AUTS2: variants seen among roughly 807,000 people sequenced by gnomAD.
AUTS2 encodes activator of transcription and developmental regulator AUTS2.
In AUTS2, 17 loss-of-function variants were observed where a neutral mutation model predicts 112.4. That is an observed-to-expected ratio of 0.15 (90% CI 0.10 to 0.23). The LOEUF is 0.23. Ranked by LOEUF, AUTS2 falls within the 10% of genes least tolerant of loss-of-function variation. The probability of loss-of-function intolerance (pLI) is 1.00; values close to 1 mark genes in which losing one functional copy is unlikely to be tolerated. For missense variants in AUTS2, 1,510 were observed against 1,701.6 expected (o/e 0.89, Z 1.98); for synonymous variants, 751 against 702.7 (o/e 1.07, Z -1.09).
intron 5 of AUTS2, among the ~76,000 whole-genome samples, chr7:70,653,608 G>C (rs1806623401): frequency 6.6e-6 from 1 of 152,168 alleles, no homozygotes; most frequent in African/African-American, 2.4e-5. Context: ...AAAAGCCAAG[G>C]TTGTACCTTT....
chr7:69,847,291 G>A (rs1007694886), intron 1 of AUTS2, among the ~76,000 whole-genome samples: 3 of 152,204 alleles, frequency 2.0e-5, no homozygotes, highest in African/African-American at 2.4e-5. Flanking sequence ...CTGAGCGTGT[G>A]GATAGAGAGA....
rs111273726 is a variant in AUTS2, at chr7:70,276,570, G to A, written c.660+141999G>A. On this transcript the variant is annotated intron_variant, in intron 4 of 18. Transcript: ENST00000342771. ...ATTTTTGTATTTTTAGTAGAGATAG[G>A]GTTTTGCCATGTTGGCCAGGCTGGT... Among the ~76,000 whole-genome samples the A allele has an allele frequency of 7.6e-4, 115 of 152,004 alleles. 3 individuals are homozygous for A. Among genetic ancestry groups the A allele is most frequent in the African/African-American group, 2.7e-3 (110 of 41,452 alleles).
At chr7:69,677,498 G>T (rs747632748) in intron 1 of AUTS2, among the ~76,000 whole-genome samples, 1 of 152,164 alleles carries the variant, frequency 6.6e-6, no homozygotes, top group African/African-American at 2.4e-5. Flanking sequence ...TGAGAAAGTT[G>T]TTGAAGAGTG....
intron 13 of AUTS2, chr7:70,776,870 A>G: frequency 1.8e-6 from 1 of 562,896 alleles, no homozygotes; most frequent in Non-Finnish European, 3.2e-6. Context: ...GGCCCTTGTC[A>G]ATGTGGTTTT....
chr7:69,614,368 T>TTTCTTTTCTTTCTTTTCTTTCTTTCTTTC, intron 1 of AUTS2, among the ~76,000 whole-genome samples: 89 of 19,412 alleles, frequency 4.6e-3, no homozygotes, highest in African/African-American at 6.7e-3. Flanking sequence ...TTCTTTCTTT[T>TTTCTTTTCTTTCTTTTCTTTCTTTCTTTC]TTTAAGAGAT....
intron 5 of AUTS2, among the ~76,000 whole-genome samples, chr7:70,562,333 T>G (rs954863606): frequency 2.6e-5 from 4 of 152,194 alleles, no homozygotes; most frequent in Non-Finnish European, 5.9e-5. Context: ...TGAACAAAGT[T>G]GATGTTTTCT....
At chr7:70,191,941 C>A (rs1363151047) in intron 4 of AUTS2, among the ~76,000 whole-genome samples, 1 of 151,146 alleles carries the variant, frequency 6.6e-6, no homozygotes, top group Non-Finnish European at 1.5e-5. Flanking sequence ...GTGGTGGGTG[C>A]CTATAATCCC....
Position 70,515,800 on chromosome 7 carries a change from C to T in AUTS2, c.690+80019C>T, listed in dbSNP as rs57767351. Among the ~76,000 whole-genome samples the T allele has an allele frequency of 8.1e-3, 1,234 of 152,196 alleles. 18 individuals are homozygous for T. Among genetic ancestry groups the T allele is most frequent in the African/African-American group, 0.028 (1,173 of 41,530 alleles). On this transcript the variant is annotated intron_variant, in intron 5 of 18. Transcript: ENST00000342771. ...AAATCATGCAAATTGGTCTAGGTTA[C>T]ATTTTGAAAAATGTTAAGAGGAAAC...
intron 2 of AUTS2, among the ~76,000 whole-genome samples, chr7:70,100,755 C>T (rs565065086): frequency 1.3e-5 from 2 of 152,162 alleles, no homozygotes; most frequent in East Asian, 3.9e-4. Context: ...GGCCAAAGGT[C>T]CATTGCTAAG....
At chr7:70,691,695 G>C (rs1310133266) in intron 5 of AUTS2, among the ~76,000 whole-genome samples, 1 of 152,062 alleles carries the variant, frequency 6.6e-6, no homozygotes, top group Non-Finnish European at 1.5e-5. Context: ...GTGGTGTTCT[G>C]CAACCGGGCC....
At chr7:69,679,627 A>G (rs1201926120) in intron 1 of AUTS2, among the ~76,000 whole-genome samples, 1 of 152,188 alleles carries the variant, frequency 6.6e-6, no homozygotes, top group Non-Finnish European at 1.5e-5. Context: ...TTAAATAATG[A>G]AAAAAATACT....
chr7:69,919,774 A>T (rs1367095555), intron 2 of AUTS2, among the ~76,000 whole-genome samples: 1 of 152,200 alleles, frequency 6.6e-6, no homozygotes, highest in Non-Finnish European at 1.5e-5. Context: ...AATTGAGAAA[A>T]AAAAGTAGAT....
chr7:70,146,759 T>TCCACTTCC (rs1400748767), intron 4 of AUTS2, among the ~76,000 whole-genome samples: 1 of 152,140 alleles, frequency 6.6e-6, no homozygotes, highest in Non-Finnish European at 1.5e-5. Context: ...TAGAAAGCCT[T>TCCACTTCC]CCACTTCCTA....
chr7:70,090,409 G>C (rs1181775054), intron 2 of AUTS2, among the ~76,000 whole-genome samples: 1 of 151,662 alleles, frequency 6.6e-6, no homozygotes, highest in Non-Finnish European at 1.5e-5. Context: ...TGTCACCCAG[G>C]CTGGAGTGCA....
At chr7:69,815,176 CG>C (rs927171238) in intron 1 of AUTS2, among the ~76,000 whole-genome samples, 4 of 152,042 alleles carry the variant, frequency 2.6e-5, no homozygotes, top group African/African-American at 4.8e-5. Context: ...AGCTGATGTG[CG>C]TTGCTCCATA....
chr7:70,196,801 AC>A (rs2129584566), intron 4 of AUTS2, among the ~76,000 whole-genome samples: 1 of 152,326 alleles, frequency 6.6e-6, no homozygotes, highest in South Asian at 2.1e-4. Flanking sequence ...GGGTAGGCTC[AC>A]TAGTTTTGGT....
intron 4 of AUTS2, among the ~76,000 whole-genome samples, chr7:70,150,987 T>A (rs533095970): frequency 6.6e-6 from 1 of 152,192 alleles, no homozygotes; most frequent in Non-Finnish European, 1.5e-5. Flanking sequence ...TAAACAAATG[T>A]AGTCATCTCT....
chr7:69,892,122 C>G (rs1395873775), intron 1 of AUTS2, among the ~76,000 whole-genome samples: 2 of 141,180 alleles, frequency 1.4e-5, no homozygotes, highest in Non-Finnish European at 3.1e-5. Flanking sequence ...GTATCTGAAT[C>G]TTTTGCTTAT....
chr7:70,484,515 C>G (rs1226940445), intron 5 of AUTS2, among the ~76,000 whole-genome samples: 1 of 152,206 alleles, frequency 6.6e-6, no homozygotes, highest in African/African-American at 2.4e-5. Flanking sequence ...AGCTTTCATT[C>G]TCATTCTTAG....
Sources: gnomAD v4.1 joint callset for allele counts (sites outside exome capture counted in the v4.1 genomes callset) on GRCh38, gnomAD v4.1.1 for gene constraint, MANE v1.5 for transcripts, NCBI Gene and HGNC (gene_info 2026-07-23, HGNC 2026-07-21) for gene names.